Variants in SUCO observed in about 807,000 individuals in gnomAD.
The protein encoded by SUCO is SUN domain containing ossification factor.
In SUCO, 57 loss-of-function variants were observed where a neutral mutation model predicts 148.1. The observed-to-expected ratio is 0.38, with a 90% confidence interval of 0.31 to 0.48. The LOEUF (loss-of-function observed/expected upper bound fraction) is 0.48, where lower values mean the gene tolerates loss of function less well. Ranked by LOEUF, SUCO falls within the 20% of genes least tolerant of loss-of-function variation. The pLI, the probability that SUCO is intolerant of heterozygous loss-of-function variation, is 0.96. For synonymous variants in SUCO, 470 were observed against 502.7 expected (o/e 0.93, Z 0.87); for missense variants, 1,331 against 1,468.2 (o/e 0.91, Z 1.53).
intron 1 of SUCO, among the ~76,000 whole-genome samples, chr1:172,541,398 A>C (rs1219236658): frequency 6.6e-6 from 1 of 152,208 alleles, no homozygotes; most frequent in African/African-American, 2.4e-5. Flanking sequence ...AAGAGACTGG[A>C]GCATTCTCAG....
At chr1:172,573,262 A>G (rs1463779780) in intron 9 of SUCO, among the ~76,000 whole-genome samples, 5 of 152,152 alleles carry the variant, frequency 3.3e-5, no homozygotes, top group African/African-American at 1.2e-4. Flanking sequence ...TTCTGTTACT[A>G]TAAATTAGTT....
intron 19 of SUCO, among the ~76,000 whole-genome samples, chr1:172,598,542 A>G (rs1657281898): frequency 6.6e-6 from 1 of 152,198 alleles, no homozygotes; most frequent in Admixed American, 6.5e-5. Context: ...TCATCTTAAT[A>G]TTAAGGCTTC....
intron 6 of SUCO, among the ~76,000 whole-genome samples, chr1:172,564,051 C>G (rs940092148): frequency 6.6e-6 from 1 of 152,158 alleles, no homozygotes; most frequent in Non-Finnish European, 1.5e-5. Context: ...CCTATGAGTG[C>G]AAAAAGGGCA....
rs753434649 is a variant in SUCO, at chr1:172,553,240, T to G, written c.178-20T>G. 1.3e-6 allele frequency: 2 copies of G among 1,533,488 alleles called. No individual in the cohort carries two copies. Among genetic ancestry groups the G allele is most frequent in the South Asian group, 2.5e-5 (2 of 79,248 alleles). 95.0% of individuals were successfully genotyped at this position (1,533,488 alleles called of 1,614,324 possible). On this transcript the variant is annotated intron_variant, in intron 2 of 23. Coordinates refer to ENST00000263688, the MANE Select transcript of SUCO (RefSeq NM_014283.5). The stretch of plus-strand genomic sequence containing the variant: ...GTAAAACAGTTTTATCAGGTGATTT[T>G]TGTTGTTGTTGTTATATAGGATGAA...
chr1:172,563,932 C>T (rs1654367132), intron 6 of SUCO, among the ~76,000 whole-genome samples: 1 of 152,232 alleles, frequency 6.6e-6, no homozygotes, highest in African/African-American at 2.4e-5. Context: ...CACCCTGCAT[C>T]CCAGCTGCTC....
chr1:172,575,569 G>A lies in SUCO; in HGVS notation c.1209G>A (p.Glu403=). 6.2e-7 allele frequency: 1 copy of A among 1,612,338 alleles called. No homozygotes were observed. Among genetic ancestry groups the A allele is most frequent in the Non-Finnish European group, 8.5e-7 (1 of 1,178,846 alleles). The part of the protein sequence containing the change: ...IKLGTFHGRD[E]RNVQSFPLDE... ...TGGGTACTTTTCATGGTAGAGATGA[G>A]CGGAATGTACAGAGTTTCCCTTTAG... Residue 403 remains glutamate (E), a synonymous_variant, in exon 11 of 24, where the codon GAG becomes GAA. Transcript: ENST00000263688.
intron 1 of SUCO, among the ~76,000 whole-genome samples, chr1:172,537,348 C>T (rs899714815): frequency 9.2e-5 from 14 of 152,054 alleles, no homozygotes; most frequent in Admixed American, 1.3e-4. Flanking sequence ...TTAGTGAGAG[C>T]TATGTGATTG....
chr1:172,583,568 T>C lies in SUCO; in HGVS notation c.1499-1450T>C, dbSNP rs73034044. Among the ~76,000 whole-genome samples the C allele has an allele frequency of 1.6e-3, 237 of 152,328 alleles. 1 individual carries two copies. The highest frequency in any genetic ancestry group is 5.4e-3 in the African/African-American group (226 of 41,580). ...TGGTTTACTTGCAACCTTCCTGATG[T>C]AGTAGATTTTTCTCTCTTAGATCCT... On this transcript the variant is annotated intron_variant, in intron 15 of 23. Coordinates refer to ENST00000263688, the MANE Select transcript of SUCO (RefSeq NM_014283.5).
In SUCO at chr1:172,533,229, G is replaced by T; in HGVS notation, c.-207G>T. 1 of 1,544,154 alleles carries T rather than the reference G, an allele frequency of 6.5e-7. No homozygotes were observed. Among genetic ancestry groups the T allele is most frequent in the Non-Finnish European group, 8.7e-7 (1 of 1,145,200 alleles). On this transcript the variant is annotated 5_prime_UTR_variant, in exon 1 of 24. An upstream open reading frame in the 5' UTR loses its in-frame stop. Transcript: ENST00000263688. ...GCGGCGGCGGTCCCCGGAGTCCTGT[G>T]AAGCGCCCCTGTCCGCGCCTCTGTG...
At chr1:172,542,511 G>A (rs1260053256) in intron 1 of SUCO, among the ~76,000 whole-genome samples, 1 of 152,200 alleles carries the variant, frequency 6.6e-6, no homozygotes, top group Non-Finnish European at 1.5e-5. Flanking sequence ...TGAACAGCAG[G>A]TGAGTGAGCA....
intron 22 of SUCO, chr1:172,608,111 C>A: frequency 2.0e-6 from 2 of 983,394 alleles, no homozygotes; most frequent in Non-Finnish European, 2.4e-6. Context: ...AAACTTTGGG[C>A]TAAAACTAAT....
intron 6 of SUCO, among the ~76,000 whole-genome samples, 175 bp downstream of exon 6, chr1:172,557,969 A>G (rs1653871601): frequency 6.6e-6 from 1 of 152,258 alleles, no homozygotes; most frequent in South Asian, 2.1e-4. Context: ...TTCTGTTTCC[A>G]TTATAGTGTT....
intron 1 of SUCO, among the ~76,000 whole-genome samples, chr1:172,548,126 A>G (rs1387110072): frequency 6.6e-6 from 1 of 152,012 alleles, no homozygotes; most frequent in Non-Finnish European, 1.5e-5. Context: ...GATCCATTCA[A>G]GTTTATCAGT....
At chr1:172,568,604 G>A (rs943117560) in intron 6 of SUCO, 3 of 211,036 alleles carry the variant, frequency 1.4e-5, no homozygotes, top group African/African-American at 7.1e-5. Flanking sequence ...TCTTTTTAAG[G>A]ATATTGTGGA....
intron 19 of SUCO, among the ~76,000 whole-genome samples, chr1:172,594,791 G>A (rs1656962304): frequency 6.6e-6 from 1 of 152,202 alleles, no homozygotes; most frequent in Admixed American, 6.5e-5. Flanking sequence ...TGTCTATTAA[G>A]TTGGCTCAGT....
intron 1 of SUCO, among the ~76,000 whole-genome samples, chr1:172,534,806 G>A (rs1191557412): frequency 2.0e-5 from 3 of 152,114 alleles, no homozygotes; most frequent in Non-Finnish European, 4.4e-5. Flanking sequence ...GGGCTGCCTA[G>A]TTATATTTGT....
At chr1:172,532,400 A>C (rs1245776302), upstream of SUCO, 2 of 1,176,040 alleles carry the variant, frequency 1.7e-6, no homozygotes, top group Non-Finnish European at 2.4e-6. Flanking sequence ...ACTTAAAGTG[A>C]GGAACCCGGC....
chr1:172,596,594 A>G (rs892870498), intron 19 of SUCO, among the ~76,000 whole-genome samples: 1 of 152,212 alleles, frequency 6.6e-6, no homozygotes, highest in Non-Finnish European at 1.5e-5. Flanking sequence ...GAGGCTGCAG[A>G]ACAGCCAATA....
intron 21 of SUCO, 106 bp from the exon 22 acceptor site, chr1:172,602,590 G>C: frequency 1.3e-6 from 2 of 1,494,080 alleles, no homozygotes; most frequent in Non-Finnish European, 1.8e-6. Context: ...AGTTAGTCCC[G>C]TGTGGTATGT....
Sources: allele counts gnomAD v4.1 joint callset (sites outside exome capture counted in the v4.1 genomes callset), GRCh38; gene constraint gnomAD v4.1.1; transcripts MANE v1.5; gene names NCBI Gene and HGNC (gene_info 2026-07-23, HGNC 2026-07-21).